Variants in DOCK8 observed in about 807,000 individuals in gnomAD.
DOCK8 encodes the protein dedicator of cytokinesis protein 8.
DOCK8 carries 141 observed loss-of-function variants against 245.6 expected under a neutral mutation model. That is an observed-to-expected ratio of 0.57 (90% CI 0.50 to 0.66). DOCK8 has a LOEUF of 0.66. Among genes scored for constraint, DOCK8 ranks in the 30% least tolerant of loss-of-function variants. DOCK8 has a pLI of 0.00. For synonymous variants in DOCK8, 1,168 were observed against 970.2 expected (o/e 1.20, Z -3.79); for missense variants, 2,965 against 2,603.4 (o/e 1.14, Z -3.02).
chr9:374,915 G>A (rs1406209160), intron 18 of DOCK8, among the ~76,000 whole-genome samples: 1 of 152,096 alleles, frequency 6.6e-6, no homozygotes, highest in Admixed American at 6.6e-5. Context: ...TGAATGCCTT[G>A]TTCTGGTGGC....
At chr9:322,841 C>T (rs1221955069) in intron 7 of DOCK8, among the ~76,000 whole-genome samples, 1 of 152,040 alleles carries the variant, frequency 6.6e-6, no homozygotes, top group Non-Finnish European at 1.5e-5. Flanking sequence ...ACCTGTAATC[C>T]CAGTACTTTG....
chr9:436,916 G>A (rs928370245), intron 39 of DOCK8, among the ~76,000 whole-genome samples: 7 of 152,182 alleles, frequency 4.6e-5, no homozygotes, highest in Admixed American at 3.9e-4. Flanking sequence ...AGCATTTATG[G>A]TCCAGGCCCT....
intron 1 of DOCK8, among the ~76,000 whole-genome samples, chr9:245,756 C>T (rs570859812): frequency 2.0e-5 from 3 of 152,204 alleles, no homozygotes; most frequent in South Asian, 2.1e-4. Context: ...TCTCAGATAC[C>T]CTTTTTCTTC....
intron 17 of DOCK8, 48 bp downstream of exon 17, chr9:371,614 C>A: frequency 6.2e-7 from 1 of 1,612,532 alleles, no homozygotes; most frequent in Non-Finnish European, 8.5e-7. Flanking sequence ...GTTGGTGCAT[C>A]TGAGGTCCCT....
At chr9:263,617 CTATT>C (rs1563851387) in intron 1 of DOCK8, among the ~76,000 whole-genome samples, 1 of 152,180 alleles carries the variant, frequency 6.6e-6, no homozygotes, top group East Asian at 1.9e-4. Flanking sequence ...ACTCTCCTTA[CTATT>C]TATTTTAGTA....
At chr9:366,069 T>C (rs946327667) in intron 14 of DOCK8, 2 of 174,724 alleles carry the variant, frequency 1.1e-5, no homozygotes, top group African/African-American at 4.8e-5. Flanking sequence ...GCTCTGTGGC[T>C]CGTTTATCAT....
intron 9 of DOCK8, among the ~76,000 whole-genome samples, chr9:329,112 AG>A: frequency 6.6e-6 from 1 of 151,556 alleles, no homozygotes; most frequent in East Asian, 1.9e-4. Context: ...ACCCCAAACC[AG>A]GCTAATTTTT....
At chr9:449,956 C>G in intron 45 of DOCK8, 29 bp downstream of exon 45, 1 of 1,612,538 alleles carries the variant, frequency 6.2e-7, no homozygotes, top group Non-Finnish European at 8.5e-7. Flanking sequence ...GGCAGCTCCT[C>G]TGGTTCTTAT....
intron 24 of DOCK8, 48 bp from the exon 25 acceptor site, chr9:396,737 G>A (rs2054474889): frequency 3.7e-6 from 6 of 1,611,726 alleles, no homozygotes; most frequent in South Asian, 3.3e-5. Flanking sequence ...CATTGTACAA[G>A]CAGGTCACCA....
chr9:255,080 G>C (rs1027978792), intron 1 of DOCK8, among the ~76,000 whole-genome samples: 5 of 152,112 alleles, frequency 3.3e-5, no homozygotes, highest in Non-Finnish European at 7.4e-5. Flanking sequence ...TACAGCATTA[G>C]CTTGAATATC....
intron 1 of DOCK8, among the ~76,000 whole-genome samples, chr9:260,622 T>A (rs2047896501): frequency 6.6e-6 from 1 of 152,218 alleles, no homozygotes; most frequent in South Asian, 2.1e-4. Flanking sequence ...AGTTCACATG[T>A]ACAGTTTTCT....
chr9:425,524 G>A (rs987725956), intron 33 of DOCK8, among the ~76,000 whole-genome samples: 1 of 147,884 alleles, frequency 6.8e-6, no homozygotes, highest in South Asian at 2.1e-4. Flanking sequence ...GGGCGACAGA[G>A]GGAGACTCCG....
intron 1 of DOCK8, among the ~76,000 whole-genome samples, chr9:267,360 C>G (rs1490185907): frequency 1.3e-5 from 2 of 152,170 alleles, no homozygotes; most frequent in East Asian, 3.9e-4. Flanking sequence ...CACACACCAC[C>G]ATACCTGGCT....
rs2296819 is a variant in DOCK8 at position 304,181 on chromosome 9, T to C, written c.405-400T>C. Among the ~76,000 whole-genome samples the C allele has an allele frequency of 1.2e-4, 18 of 152,350 alleles. No individual in the cohort carries two copies. The East Asian group carries it at 3.5e-3, about 29-fold the overall frequency. On this transcript the variant is annotated intron_variant, in intron 4 of 47. Coordinates refer to ENST00000432829, the MANE Select transcript of DOCK8 (RefSeq NM_203447.4). Reference sequence around the variant, plus strand: ...ATTATTAAGAACATTGATGTGAAGATTAAATGGTTTTCTCTATTTTTATCT... The same window carrying C: ...ATTATTAAGAACATTGATGTGAAGACTAAATGGTTTTCTCTATTTTTATCT...
chr9:446,115 T>C (rs1051094404), intron 43 of DOCK8, among the ~76,000 whole-genome samples: 1 of 152,376 alleles, frequency 6.6e-6, no homozygotes, highest in African/African-American at 2.4e-5. Flanking sequence ...ATCAGTTTGC[T>C]CTGCTAGGAA....
intron 47 of DOCK8, 50 bp downstream of exon 47, chr9:463,737 A>C: frequency 6.2e-7 from 1 of 1,608,084 alleles, no homozygotes; most frequent in Non-Finnish European, 8.5e-7. Context: ...AGAGCAGCGC[A>C]TGGGGCCTAG....
intron 20 of DOCK8, among the ~76,000 whole-genome samples, 163 bp downstream of exon 20, chr9:377,374 ACT>A (rs1361078836): frequency 4.6e-5 from 7 of 151,308 alleles, no homozygotes; most frequent in East Asian, 1.9e-4. Context: ...TTTTTTTGAG[ACT>A]CTCTGCATGT....
intron 24 of DOCK8, among the ~76,000 whole-genome samples, chr9:391,438 T>G (rs1266679059): frequency 6.6e-6 from 1 of 152,186 alleles, no homozygotes; most frequent in East Asian, 1.9e-4. Context: ...GCCCAATTAA[T>G]ATCTGTTGGA....
intron 1 of DOCK8, among the ~76,000 whole-genome samples, chr9:270,755 C>T (rs1237668602): frequency 6.6e-6 from 1 of 152,196 alleles, no homozygotes; most frequent in African/African-American, 2.4e-5. Context: ...TCAGTAATCT[C>T]TGTTAGTTTC....
Sources: allele counts gnomAD v4.1 joint callset (sites outside exome capture counted in the v4.1 genomes callset), GRCh38; gene constraint gnomAD v4.1.1; transcripts MANE v1.5; gene names NCBI Gene and HGNC (gene_info 2026-07-23, HGNC 2026-07-21).